SMYD3: variants seen among roughly 807,000 people sequenced by gnomAD.
SMYD3 encodes the protein histone-lysine N-methyltransferase SMYD3.
Under a neutral mutation model 57.7 loss-of-function variants are expected in SMYD3, and 36 were observed. The observed-to-expected ratio is 0.62, with a 90% CI of 0.48 to 0.82. The LOEUF (loss-of-function observed/expected upper bound fraction) is 0.82, where lower values mean the gene tolerates loss of function less well. Among genes scored for constraint, SMYD3 ranks in the 40% least tolerant of loss-of-function variants. The pLI is 0.00. For missense variants in SMYD3, 515 were observed against 538.8 expected, an observed-to-expected ratio of 0.96 and a Z score of 0.44; for synonymous variants, 211 against 195.0, an observed-to-expected ratio of 1.08 and a Z score of -0.68.
At position 245,864,318 on chromosome 1, in the gene SMYD3, C is replaced by G. The variant is rs563688391; in HGVS notation, c.814-432G>C. Among the ~76,000 whole-genome samples, 3 of 152,296 alleles carry G rather than the reference C, an allele frequency of 2.0e-5. No individual in the cohort carries two copies. In the South Asian group the frequency reaches 6.2e-4, roughly 32 times the overall value. On this transcript the variant is annotated intron_variant, in intron 8 of 11. Transcript: ENST00000490107. ...ACAAAAACTTGTTCACAAATATTCACAGCAGCATTGTTCATAATAGCCAAA... is the reference window on the plus strand; with the variant it reads ...ACAAAAACTTGTTCACAAATATTCAGAGCAGCATTGTTCATAATAGCCAAA...
intron 1 of SMYD3, among the ~76,000 whole-genome samples, chr1:246,362,827 A>G (rs1463172710): frequency 2.6e-5 from 4 of 152,132 alleles, no homozygotes; most frequent in Non-Finnish European, 5.9e-5. Flanking sequence ...TCCACCTCCC[A>G]GCCGCCTGCC....
chr1:245,781,597 T>A (rs1438723193), intron 10 of SMYD3, among the ~76,000 whole-genome samples: 1 of 152,220 alleles, frequency 6.6e-6, no homozygotes, highest in Non-Finnish European at 1.5e-5. Flanking sequence ...TGCAAGGTAG[T>A]TGCTATTACA....
intron 5 of SMYD3, among the ~76,000 whole-genome samples, chr1:246,142,050 CCA>C (rs1553299522): frequency 6.6e-6 from 1 of 152,152 alleles, no homozygotes; most frequent in Non-Finnish European, 1.5e-5. Context: ...CCTCAGTATA[CCA>C]CATTCTTTTT....
chr1:246,373,088 A>C (rs2066216926), intron 1 of SMYD3, among the ~76,000 whole-genome samples: 1 of 152,212 alleles, frequency 6.6e-6, no homozygotes, highest in Non-Finnish European at 1.5e-5. Flanking sequence ...TGTAAAATTA[A>C]GTTTTTTCAA....
chr1:245,763,291 C>T (rs956980527), intron 11 of SMYD3, among the ~76,000 whole-genome samples: 4 of 152,276 alleles, frequency 2.6e-5, no homozygotes, highest in Non-Finnish European at 4.4e-5. Context: ...AAGATAACCA[C>T]GAAGCCCTCA....
intron 10 of SMYD3, chr1:245,814,368 G>C (rs1353312272): frequency 3.0e-6 from 3 of 984,770 alleles, no homozygotes; most frequent in African/African-American, 1.8e-5. Flanking sequence ...AATCAGGACA[G>C]ATAGAGCTCA....
At chr1:246,149,045 T>A (rs1490185624) in intron 5 of SMYD3, among the ~76,000 whole-genome samples, 1 of 152,166 alleles carries the variant, frequency 6.6e-6, no homozygotes, top group East Asian at 1.9e-4. Flanking sequence ...AGACGCCTCA[T>A]TTGAGAATCA....
intron 5 of SMYD3, among the ~76,000 whole-genome samples, chr1:246,195,724 A>C (rs982484356): frequency 6.6e-6 from 1 of 152,180 alleles, no homozygotes; most frequent in Non-Finnish European, 1.5e-5. Context: ...GCCTCTCACT[A>C]AGTCATGACC....
At chr1:246,013,725 A>C (rs977416792) in intron 5 of SMYD3, among the ~76,000 whole-genome samples, 1 of 152,190 alleles carries the variant, frequency 6.6e-6, no homozygotes, top group African/African-American at 2.4e-5. Flanking sequence ...AGTACTCAAA[A>C]ATGTATAAAA....
intron 5 of SMYD3, among the ~76,000 whole-genome samples, chr1:246,166,275 C>T (rs940927188): frequency 2.0e-5 from 3 of 152,152 alleles, no homozygotes; most frequent in African/African-American, 4.8e-5. Context: ...CACACTGCCA[C>T]GTTCCCTTCA....
At position 245,863,836 on chromosome 1, in the gene SMYD3, T is replaced by C; in HGVS notation, c.864A>G (p.Glu288=). Residue 288 remains glutamate, a synonymous_variant, in exon 9 of 12, where the codon GAA becomes GAG. Transcript: ENST00000490107. The part of the protein sequence containing the change: ...GDEQVWKEVQ[E]SLKKIEELKA... ...TCAGTTCTTCAATTTTTTTCAGGGATTCTTGAACTTCCTTCCATACTTGCT... is the reference window on the plus strand; with the variant it reads ...TCAGTTCTTCAATTTTTTTCAGGGACTCTTGAACTTCCTTCCATACTTGCT... 6.2e-7 allele frequency: 1 copy of C among 1,614,146 alleles called. No homozygotes were observed. The highest frequency in any genetic ancestry group is 1.7e-5 in the Admixed American group (1 of 60,028).
chr1:245,758,565 C>T (rs2045706560), intron 11 of SMYD3, among the ~76,000 whole-genome samples: 1 of 152,186 alleles, frequency 6.6e-6, no homozygotes, highest in Admixed American at 6.5e-5. Context: ...TCTTCACATT[C>T]ACCAATTCAT....
At chr1:246,143,006 A>G (rs566209266) in intron 5 of SMYD3, among the ~76,000 whole-genome samples, 14 of 152,310 alleles carry the variant, frequency 9.2e-5, no homozygotes, top group Admixed American at 4.6e-4. Context: ...CCCACATGGA[A>G]TGGTAAGAAA....
At chr1:245,920,051 C>G (rs745838287) in intron 7 of SMYD3, among the ~76,000 whole-genome samples, 2 of 151,968 alleles carry the variant, frequency 1.3e-5, no homozygotes, top group East Asian at 1.9e-4. Flanking sequence ...CGGTGGCTCA[C>G]GCCTGTAATC....
intron 11 of SMYD3, among the ~76,000 whole-genome samples, chr1:245,760,682 C>T (rs2045808924): frequency 1.3e-5 from 2 of 152,168 alleles, no homozygotes; most frequent in South Asian, 4.1e-4. Flanking sequence ...CCAGAAGACA[C>T]AAAAGGAATG....
intron 5 of SMYD3, among the ~76,000 whole-genome samples, chr1:246,228,365 A>G (rs974276658): frequency 6.6e-6 from 1 of 152,200 alleles, no homozygotes; most frequent in Non-Finnish European, 1.5e-5. Context: ...GTTATCTTAC[A>G]GGACTCTTGG....
At chr1:246,050,077 T>C (rs1430404713) in intron 5 of SMYD3, among the ~76,000 whole-genome samples, 1 of 152,210 alleles carries the variant, frequency 6.6e-6, no homozygotes, top group East Asian at 1.9e-4. Flanking sequence ...CACGAAATAC[T>C]TAGAGATTAG....
chr1:246,475,052 C>A (rs930456482), intron 1 of SMYD3, among the ~76,000 whole-genome samples: 1 of 152,164 alleles, frequency 6.6e-6, no homozygotes, highest in Non-Finnish European at 1.5e-5. Context: ...CGCGGTGGCT[C>A]ACATCTGTAA....
chr1:245,881,515 T>C (rs2052776944), intron 8 of SMYD3, among the ~76,000 whole-genome samples: 2 of 152,122 alleles, frequency 1.3e-5, no homozygotes, highest in African/African-American at 4.8e-5. Flanking sequence ...GCATGTCCTA[T>C]AGAGCTTAAC....
Sources: gnomAD v4.1 joint callset for allele counts (sites outside exome capture counted in the v4.1 genomes callset) on GRCh38, gnomAD v4.1.1 for gene constraint, MANE v1.5 for transcripts, NCBI Gene and HGNC (gene_info 2026-07-23, HGNC 2026-07-21) for gene names.